Variants in COX5A observed in about 807,000 individuals in gnomAD.
The protein encoded by COX5A is cytochrome c oxidase subunit 5A.
A neutral mutation model predicts 16.1 loss-of-function variants in COX5A; 6 were observed. The ratio of observed to expected loss-of-function variants is 0.37; its 90% CI spans 0.20 to 0.73. The LOEUF (loss-of-function observed/expected upper bound fraction) is 0.73, where lower values mean the gene tolerates loss of function less well. Among genes scored for constraint, COX5A ranks in the 30% least tolerant of loss-of-function variants. The pLI is 0.50. For synonymous variants in COX5A, 73 were observed against 73.8 expected, an observed-to-expected ratio of 0.99 and a Z score of 0.06; for missense variants, 159 against 194.9, an observed-to-expected ratio of 0.82 and a Z score of 1.10.
intron 4 of COX5A, among the ~76,000 whole-genome samples, chr15:74,923,246 A>T (rs574060410): frequency 6.6e-6 from 1 of 152,018 alleles, no homozygotes; most frequent in Non-Finnish European, 1.5e-5. Flanking sequence ...CGACAGGATG[A>T]AATCCCGTCT....
chr15:74,933,667 C>T (rs960730819), intron 1 of COX5A, among the ~76,000 whole-genome samples: 5 of 152,238 alleles, frequency 3.3e-5, no homozygotes, highest in Admixed American at 6.6e-5. Flanking sequence ...CTTTGGAAGA[C>T]GGTTTAAGCA....
intron 3 of COX5A, among the ~76,000 whole-genome samples, chr15:74,924,103 C>G (rs1365327439): frequency 1.3e-5 from 2 of 151,926 alleles, no homozygotes; most frequent in Non-Finnish European, 2.9e-5. Context: ...TCGGCTTGAA[C>G]CCGGGAAGCG....
At position 74,929,023 on chromosome 15, in the gene COX5A, C is replaced by T. The variant is rs1055108047; in HGVS notation, c.217+93G>A. 45 of 882,150 alleles carry T rather than the reference C, an allele frequency of 5.1e-5. No homozygotes were observed. In the East Asian group the frequency reaches 8.0e-4, roughly 16 times the overall value. The allele number at this position is 882,150 out of a possible 1,614,324, so 54.6% of individuals were successfully genotyped here. A position where few individuals can be genotyped will look rare whatever the true frequency, so the allele number is the denominator to read the frequency against. On this transcript the variant is annotated intron_variant, in intron 2 of 4. Coordinates refer to ENST00000322347, the MANE Select transcript of COX5A (RefSeq NM_004255.4). ...TGCATGAAGTAACCAGTTTAAACAA[C>T]GCATGTTTTCGAAACAGTTGCTCTC... is the stretch of plus-strand genomic sequence containing the variant.
At position 74,920,139 on chromosome 15, in the gene COX5A, A is replaced by T; in HGVS notation, c.*313T>A. 2.0e-6 allele frequency: 1 copy of T among 493,366 alleles called. No individual in the cohort carries two copies. The highest frequency in any genetic ancestry group is 3.5e-6 in the Non-Finnish European group (1 of 286,196). The allele number at this position is 493,366 out of a possible 1,614,324, so 30.6% of individuals were successfully genotyped here. On this transcript the variant is annotated 3_prime_UTR_variant, in exon 5 of 5. Coordinates refer to ENST00000322347, the MANE Select transcript of COX5A (RefSeq NM_004255.4). ...CTAGGGCACCCAAACATATTAATGA[A>T]GCTGATTTTCATGTCAGATGGTTTC...
chr15:74,928,295 A>C (rs933164117), intron 2 of COX5A, among the ~76,000 whole-genome samples: 1 of 152,202 alleles, frequency 6.6e-6, no homozygotes, highest in Non-Finnish European at 1.5e-5. Flanking sequence ...ACTTACTTAG[A>C]TACTTATTCA....
At chr15:74,936,147 C>T (rs140459803) in intron 1 of COX5A, among the ~76,000 whole-genome samples, 62 of 151,906 alleles carry the variant, frequency 4.1e-4, no homozygotes, top group African/African-American at 1.4e-3. Flanking sequence ...AAAAAGTAGC[C>T]GGGCATGGTG....
chr15:74,921,517 G>A (rs1386251486), intron 4 of COX5A, among the ~76,000 whole-genome samples: 2 of 151,062 alleles, frequency 1.3e-5, no homozygotes, highest in South Asian at 2.1e-4. Flanking sequence ...ATCACCTGAG[G>A]TCAGGAGTTC....
intron 3 of COX5A, among the ~76,000 whole-genome samples, chr15:74,926,032 A>ATTTT (rs755631696): frequency 1.1e-4 from 12 of 107,642 alleles, no homozygotes; most frequent in Admixed American, 2.0e-4. Context: ...TGCCCAGCTA[A>ATTTT]TTTTTTTTTT....
intron 1 of COX5A, among the ~76,000 whole-genome samples, chr15:74,929,785 A>G (rs555548503): frequency 6.6e-6 from 1 of 152,284 alleles, no homozygotes; most frequent in Non-Finnish European, 1.5e-5. Flanking sequence ...CCCACTTCTA[A>G]AAACTAAGAA....
At chr15:74,932,287 T>C (rs777809960) in intron 1 of COX5A, among the ~76,000 whole-genome samples, 7 of 152,162 alleles carry the variant, frequency 4.6e-5, no homozygotes, top group Non-Finnish European at 1.0e-4. Context: ...ATAAGTGTGG[T>C]GTAACTTCCA....
chr15:74,929,889 C>T (rs2065359166), intron 1 of COX5A, among the ~76,000 whole-genome samples: 1 of 151,238 alleles, frequency 6.6e-6, no homozygotes, highest in Non-Finnish European at 1.5e-5. Flanking sequence ...ACCATCCTGG[C>T]TAACACGGTG....
intron 4 of COX5A, among the ~76,000 whole-genome samples, chr15:74,922,618 G>C (rs2065326161): frequency 6.6e-6 from 1 of 150,972 alleles, no homozygotes. Flanking sequence ...GCCTCCCAAA[G>C]TGCTGAGCTT....
chr15:74,934,332 AT>A (rs764981754), intron 1 of COX5A, among the ~76,000 whole-genome samples: 265 of 144,848 alleles, frequency 1.8e-3, no homozygotes, highest in Admixed American at 2.6e-3. Flanking sequence ...CGTGATTTAA[AT>A]TTTTTTTTTT....
In COX5A at chr15:74,938,042, G is replaced by C; in HGVS notation, c.-28C>G. The C allele has an allele frequency of 8.2e-7, 1 of 1,218,400 alleles. No homozygotes were observed. The highest frequency in any genetic ancestry group is 1.0e-6 in the Non-Finnish European group (1 of 976,678). 75.5% of individuals were successfully genotyped at this position (1,218,400 alleles called of 1,614,324 possible). On this transcript the variant is annotated 5_prime_UTR_variant, in exon 1 of 5. Transcript: ENST00000322347. Reference sequence around the variant, plus strand: ...CGGCGATGGCGGCGCGCGGGCTGAGGACAGAGAGAAGCCGGTGTAAGCTCG... The same window carrying C: ...CGGCGATGGCGGCGCGCGGGCTGAGCACAGAGAGAAGCCGGTGTAAGCTCG...
rs557358444 is a variant in COX5A, at chr15:74,920,015, C to T, written c.*437G>A. ...TTAAAACCTGTTTTGGAAAGGTACA[C>T]AATTTGATCTATCCCCACAGACAAC... On this transcript the variant is annotated 3_prime_UTR_variant, in exon 5 of 5. Transcript: ENST00000322347. 5.5e-5 allele frequency: 14 copies of T among 256,398 alleles called. No homozygotes were observed. Among genetic ancestry groups the T allele is most frequent in the Admixed American group, 2.4e-4 (4 of 16,868 alleles). 15.9% of individuals were successfully genotyped at this position (256,398 alleles called of 1,614,324 possible). A position where few individuals can be genotyped will look rare whatever the true frequency, so the allele number is the denominator to read the frequency against.
chr15:74,920,913 G>A (rs1350095396), intron 4 of COX5A, among the ~76,000 whole-genome samples: 1 of 151,900 alleles, frequency 6.6e-6, no homozygotes, highest in East Asian at 1.9e-4. Flanking sequence ...GGAGGCGGAG[G>A]TTGGAGTGGG....
chr15:74,921,650 A>T (rs1034321460), intron 4 of COX5A, among the ~76,000 whole-genome samples: 1 of 152,044 alleles, frequency 6.6e-6, no homozygotes, highest in Non-Finnish European at 1.5e-5. Context: ...GAATTGTTTG[A>T]ACCCAACAGG....
chr15:74,926,719 T>C (rs1473089101), intron 3 of COX5A, 47 bp downstream of exon 3: 5 of 1,574,696 alleles, frequency 3.2e-6, no homozygotes, highest in African/African-American at 1.4e-5. Flanking sequence ...ACCTCAGCAA[T>C]AGCCCACTCA....
chr15:74,931,163 G>A (rs1019618213), intron 1 of COX5A, among the ~76,000 whole-genome samples: 13 of 151,298 alleles, frequency 8.6e-5, no homozygotes, highest in Non-Finnish European at 1.9e-4. Context: ...CTAAGGGAAC[G>A]TACACTCTAA....
Sources: allele counts gnomAD v4.1 joint callset (sites outside exome capture counted in the v4.1 genomes callset), GRCh38; gene constraint gnomAD v4.1.1; transcripts MANE v1.5; gene names NCBI Gene and HGNC (gene_info 2026-07-23, HGNC 2026-07-21).